The following DLC1 variants were observed in gnomAD, a reference collection of about 807,000 sequenced individuals.
DLC1 encodes the protein DLC1 Rho GTPase activating protein.
In DLC1, 54 loss-of-function variants were observed where a neutral mutation model predicts 140.3. That is an observed-to-expected ratio of 0.38 (90% CI 0.31 to 0.48). The LOEUF (loss-of-function observed/expected upper bound fraction) is 0.48, where lower values mean the gene tolerates loss of function less well. Ranked by LOEUF, DLC1 falls within the 20% of genes least tolerant of loss-of-function variation. The probability of loss-of-function intolerance (pLI) is 0.96; values close to 1 mark genes in which losing one functional copy is unlikely to be tolerated. For missense variants in DLC1, 2,536 were observed against 1,907.0 expected, an observed-to-expected ratio of 1.33 and a Z score of -6.14; for synonymous variants, 986 against 728.1, an observed-to-expected ratio of 1.35 and a Z score of -5.70.
chr8:13,551,031 T>G (rs894135320), intron 1 of DLC1, among the ~76,000 whole-genome samples: 2 of 140,188 alleles, frequency 1.4e-5, no homozygotes, highest in African/African-American at 5.4e-5. Context: ...TTAACAGCAC[T>G]CCTCAGATTT....
chr8:13,427,809 C>T (rs992063075), intron 2 of DLC1, among the ~76,000 whole-genome samples: 1 of 152,156 alleles, frequency 6.6e-6, no homozygotes, highest in African/African-American at 2.4e-5. Context: ...TTATTCTGAG[C>T]CTTCTACAAT....
chr8:13,267,672 C>T (rs915246408), intron 5 of DLC1, among the ~76,000 whole-genome samples: 5 of 151,894 alleles, frequency 3.3e-5, no homozygotes, highest in Non-Finnish European at 5.9e-5. Flanking sequence ...ACCTATAACT[C>T]AGGAATCTTC....
At chr8:13,135,119 G>A (rs879823967) in intron 5 of DLC1, among the ~76,000 whole-genome samples, 18 of 152,110 alleles carry the variant, frequency 1.2e-4, no homozygotes, top group Non-Finnish European at 2.2e-4. Flanking sequence ...TTCAACGGGA[G>A]GCCAGGAAAG....
intron 5 of DLC1, among the ~76,000 whole-genome samples, chr8:13,164,982 A>G (rs1472123998): frequency 6.6e-6 from 1 of 152,188 alleles, no homozygotes; most frequent in Non-Finnish European, 1.5e-5. Context: ...AGCCCCGGAT[A>G]TCAGTGAAGA....
intron 1 of DLC1, among the ~76,000 whole-genome samples, chr8:13,556,799 C>A (rs568886261): frequency 6.6e-6 from 1 of 152,174 alleles, no homozygotes; most frequent in African/African-American, 2.4e-5. Context: ...CTGTCAGAGA[C>A]GCTGCTGAGT....
At chr8:13,314,707 A>G (rs1386151429) in intron 4 of DLC1, among the ~76,000 whole-genome samples, 1 of 152,194 alleles carries the variant, frequency 6.6e-6, no homozygotes, top group Non-Finnish European at 1.5e-5. Flanking sequence ...CAAAACATAA[A>G]CCATTAGATC....
chr8:13,447,131 A>G (rs1311968967), intron 2 of DLC1, among the ~76,000 whole-genome samples: 1 of 152,168 alleles, frequency 6.6e-6, no homozygotes, highest in Non-Finnish European at 1.5e-5. Context: ...CATGTATGCT[A>G]TGAGTCTCCA....
chr8:13,570,476 T>C (rs947340507), intron 1 of DLC1, among the ~76,000 whole-genome samples: 8 of 123,160 alleles, frequency 6.5e-5, no homozygotes, highest in African/African-American at 2.5e-4. Flanking sequence ...CCCCAGAGTG[T>C]GATATTCCCC....
chr8:13,201,623 G>T (rs1364160424), intron 5 of DLC1, among the ~76,000 whole-genome samples: 1 of 151,856 alleles, frequency 6.6e-6, no homozygotes, highest in African/African-American at 2.4e-5. Context: ...TAATGATTCA[G>T]GAGAAAAAGC....
chr8:13,103,311 AAAATAAATAAATAAATAAAT>A (rs59262199), intron 7 of DLC1, among the ~76,000 whole-genome samples: 29 of 143,060 alleles, frequency 2.0e-4, no homozygotes, highest in East Asian at 8.4e-4. Flanking sequence ...ACTCCTTCTC[AAAATAAATAAATAAATAAAT>A]AAATAAATAA....
chr8:13,552,985 A>T (rs928560154), intron 1 of DLC1, among the ~76,000 whole-genome samples: 5 of 151,514 alleles, frequency 3.3e-5, no homozygotes, highest in African/African-American at 1.2e-4. Context: ...TTTAGCTTTC[A>T]TTGGTTAATC....
At chr8:13,124,583 T>C (rs879539851) in intron 5 of DLC1, among the ~76,000 whole-genome samples, 7 of 152,232 alleles carry the variant, frequency 4.6e-5, no homozygotes, top group Admixed American at 2.0e-4. Flanking sequence ...TCTGATACTC[T>C]ATCACAGAGG....
chr8:13,484,763 A>G (rs1800888239), intron 2 of DLC1, among the ~76,000 whole-genome samples: 2 of 152,008 alleles, frequency 1.3e-5, no homozygotes, highest in Admixed American at 6.6e-5. Flanking sequence ...CACTTTGAAC[A>G]TAAACAGTCC....
intron 5 of DLC1, among the ~76,000 whole-genome samples, chr8:13,234,476 C>G (rs1475499410): frequency 1.3e-5 from 2 of 152,064 alleles, no homozygotes; most frequent in African/African-American, 2.4e-5. Context: ...CTTAATTTGT[C>G]TTCTGTTTTG....
At chr8:13,543,834 A>T (rs1026517602) in intron 1 of DLC1, among the ~76,000 whole-genome samples, 3 of 151,972 alleles carry the variant, frequency 2.0e-5, no homozygotes, top group African/African-American at 4.8e-5. Context: ...GACTTTGGAG[A>T]CTCAGAAGAG....
intron 4 of DLC1, among the ~76,000 whole-genome samples, chr8:13,383,448 G>T (rs1836365031): frequency 6.6e-6 from 1 of 152,134 alleles, no homozygotes; most frequent in Admixed American, 6.6e-5. Context: ...TCTGCACCTG[G>T]ATCTGATTTA....
intron 1 of DLC1, among the ~76,000 whole-genome samples, chr8:13,554,119 T>G (rs1239250458): frequency 1.3e-5 from 2 of 152,098 alleles, no homozygotes; most frequent in Non-Finnish European, 2.9e-5. Context: ...CAGGTTGGAG[T>G]GCAATGGCAC....
At chr8:13,183,479 A>T (rs184372939) in intron 5 of DLC1, among the ~76,000 whole-genome samples, 1 of 152,210 alleles carries the variant, frequency 6.6e-6, no homozygotes, top group East Asian at 1.9e-4. Flanking sequence ...TACCATTTTG[A>T]GATATGTTCC....
chr8:13,437,961 G>T (rs1461615181), intron 2 of DLC1, among the ~76,000 whole-genome samples: 3 of 151,302 alleles, frequency 2.0e-5, no homozygotes, highest in East Asian at 3.9e-4. Context: ...AATTGAGAAG[G>T]TTATAAGGGT....
Sources: gnomAD v4.1 joint callset for allele counts (sites outside exome capture counted in the v4.1 genomes callset) on GRCh38, gnomAD v4.1.1 for gene constraint, MANE v1.5 for transcripts, NCBI Gene and HGNC (gene_info 2026-07-23, HGNC 2026-07-21) for gene names.